The following DDR1 variants were observed in gnomAD, a reference collection of about 807,000 sequenced individuals.
DDR1 encodes the protein epithelial discoidin domain-containing receptor 1.
A neutral mutation model predicts 97.4 loss-of-function variants in DDR1; 64 were observed. That is an observed-to-expected ratio of 0.66 (90% CI 0.54 to 0.81). The LOEUF (loss-of-function observed/expected upper bound fraction) is 0.81, where lower values mean the gene tolerates loss of function less well. Ranked by LOEUF, DDR1 falls within the 30% of genes least tolerant of loss-of-function variation. DDR1 has a pLI of 0.00. For synonymous variants in DDR1, 458 were observed against 503.7 expected, an observed-to-expected ratio of 0.91 and a Z score of 1.21; for missense variants, 990 against 1,259.6, an observed-to-expected ratio of 0.79 and a Z score of 3.24.
chr6:30,883,253 T>C (rs1482427875), upstream of DDR1: 2 of 152,270 alleles, frequency 1.3e-5, no homozygotes, highest in African/African-American at 2.4e-5. The surrounding 1 kb of genome is among the most constrained non-coding windows in gnomAD (Gnocchi z 4.9). Flanking sequence ...TATGTTTTTA[T>C]CTACTGTGAG....
At position 30,884,921 on chromosome 6, in the gene DDR1, C is replaced by T. The variant is rs569381386; in HGVS notation, c.-43+211C>T. The stretch of plus-strand genomic sequence containing the variant: ...GGCGGGGACTGGGTGGAGGTGAAGC[C>T]CGTGACCTCCCAGAAAGAGTTTTGA... On this transcript the variant is annotated intron_variant, in intron 1 of 17. Transcript: ENST00000376568. The surrounding 1 kb of genome is among the most constrained non-coding windows in gnomAD (Gnocchi z 6.1). The T allele has an allele frequency of 1.2e-4, 49 of 422,662 alleles. No individual in the cohort carries two copies. In the South Asian group the frequency reaches 2.3e-3, roughly 20 times the overall value. The allele number at this position is 422,662 out of a possible 1,614,324, so 26.2% of individuals were successfully genotyped here.
In DDR1 at chr6:30,897,305, A is replaced by C; in HGVS notation, c.1998-74A>C. 1.9e-6 allele frequency: 1 copy of C among 526,538 alleles called. No homozygotes were observed. The highest frequency in any genetic ancestry group is 2.7e-6 in the Non-Finnish European group (1 of 374,398). The allele number at this position is 526,538 out of a possible 1,614,324, so 32.6% of individuals were successfully genotyped here. ...ACGCCTGGTCTGCCTGAGGTGGGGCAGGGGGGTGGGGGCGCGGGGGAAGGT... is the reference window on the plus strand; with the variant it reads ...ACGCCTGGTCTGCCTGAGGTGGGGCCGGGGGGTGGGGGCGCGGGGGAAGGT... On this transcript the variant is annotated intron_variant, in intron 14 of 17. Transcript: ENST00000376568. The surrounding 1 kb of genome is among the most constrained non-coding windows in gnomAD (Gnocchi z 5.2).
rs748920890 is a variant in DDR1 at position 30,888,714 on chromosome 6, C to T, written c.-16C>T. 1.3e-5 allele frequency: 21 copies of T among 1,612,540 alleles called. No homozygotes were observed. The highest frequency in any genetic ancestry group is 1.6e-4 in the Middle Eastern group (1 of 6,084). Reference sequence around the variant, plus strand: ...GATGCTGCCCCCACCCCCTTAGGCCCGAGGGATCAGGAGCTATGGGACCAG... The same window carrying T: ...GATGCTGCCCCCACCCCCTTAGGCCTGAGGGATCAGGAGCTATGGGACCAG... On this transcript the variant is annotated 5_prime_UTR_variant, in exon 2 of 18. Coordinates refer to ENST00000376568, the MANE Select transcript of DDR1 (RefSeq NM_001297654.2). The surrounding 1 kb of genome is among the most constrained non-coding windows in gnomAD (Gnocchi z 4.2).
chr6:30,889,765 G>A lies in DDR1; in HGVS notation c.417+335G>A, dbSNP rs6924600. The stretch of plus-strand genomic sequence containing the variant: ...TAGATGTCTAATAGGCATCTCAAAC[G>A]TACGTTTAACTTCCCAAGCTGAATT... On this transcript the variant is annotated intron_variant, in intron 4 of 17. Coordinates refer to ENST00000376568, the MANE Select transcript of DDR1 (RefSeq NM_001297654.2). This position sits in a 1 kb window ranked among gnomAD's most constrained non-coding sequence, Gnocchi z 4.9. Among the ~76,000 whole-genome samples, 39,792 of 151,864 alleles carry A rather than the reference G, an allele frequency of 0.26. 6,169 individuals carry two copies. Among genetic ancestry groups the A allele is most frequent in the East Asian group, 0.61 (3,160 of 5,160 alleles).
At position 30,892,112 on chromosome 6, in the gene DDR1, G is replaced by GCAAC; in HGVS notation, c.779_782dup (p.His261GlnfsTer14). ...CCAGGCTATGACTATGTGGGATGGA[G>GCAAC]CAACCACAGCTTCTCCAGTGGCTAT... On this transcript the variant is annotated frameshift_variant, in exon 7 of 18. Transcript: ENST00000376568. LOFTEE classifies it high-confidence loss of function. 1 of 1,614,202 alleles carries GCAAC rather than the reference G, an allele frequency of 6.2e-7. No individual in the cohort carries two copies. The highest frequency in any genetic ancestry group is 1.1e-5 in the South Asian group (1 of 91,084).
rs1264463799 is a variant in DDR1, at chr6:30,897,721, G to C, written c.2216+124G>C. ...GTGGGAAGGGAGAGAGGTTCCAGGA[G>C]GGCCTGGGATAAGGAATGTGTGACA... On this transcript the variant is annotated intron_variant, in intron 15 of 17. Coordinates refer to ENST00000376568, the MANE Select transcript of DDR1 (RefSeq NM_001297654.2). The surrounding 1 kb of genome is among the most constrained non-coding windows in gnomAD (Gnocchi z 5.2). The C allele has an allele frequency of 1.3e-6, 1 of 778,282 alleles. No homozygotes were observed. The highest frequency in any genetic ancestry group is 2.0e-6 in the Non-Finnish European group (1 of 491,622). The allele number at this position is 778,282 out of a possible 1,614,324, so 48.2% of individuals were successfully genotyped here. A position where few individuals can be genotyped will look rare whatever the true frequency, so the allele number is the denominator to read the frequency against.
chr6:30,899,291 G>T lies in DDR1; in HGVS notation c.2737G>T (p.Val913Leu). ...RFLAEDALNT[V>L] ...CCTGGCAGAGGATGCACTCAACACG[G>T]TGTGAATCACACATCCAGCTGCCCC... Residue 913 changes from valine (V) to leucine (L), a missense_variant, in exon 18 of 18, where the codon GTG becomes TTG. Coordinates refer to ENST00000376568, the MANE Select transcript of DDR1 (RefSeq NM_001297654.2). 6.2e-7 allele frequency: 1 copy of T among 1,607,358 alleles called. No homozygotes were observed. The highest frequency in any genetic ancestry group is 8.5e-7 in the Non-Finnish European group (1 of 1,174,974).
At chr6:30,892,719 G>A in intron 8 of DDR1, 177 bp downstream of exon 8, 1 of 777,112 alleles carries the variant, frequency 1.3e-6, no homozygotes, top group Non-Finnish European at 2.0e-6. Context: ...CTTGTTCTCT[G>A]CGTATCCATC....
In DDR1 at chr6:30,888,363, T is replaced by A. The variant is rs1786673192; in HGVS notation, c.-42-325T>A. On this transcript the variant is annotated intron_variant, in intron 1 of 17. Transcript: ENST00000376568. The surrounding 1 kb of genome is among the most constrained non-coding windows in gnomAD (Gnocchi z 4.2). ...CTAAGCCGTTGTTTATGGGGATATT[T>A]TGCCCATTCCTGATTGGAGAAATGG... The A allele has an allele frequency of 3.3e-6, 1 of 305,994 alleles. No individual in the cohort carries two copies. Among genetic ancestry groups the A allele is most frequent in the African/African-American group, 2.1e-5 (1 of 46,522 alleles). The allele number at this position is 305,994 out of a possible 1,614,324, so 19.0% of individuals were successfully genotyped here. A position where few individuals can be genotyped will look rare whatever the true frequency, so the allele number is the denominator to read the frequency against.
In DDR1 at chr6:30,899,023, G is replaced by A; in HGVS notation, c.2587G>A (p.Asp863Asn). ...VIENAGEFFRDQGRQVYLSRP... is the reference protein window; with the variant it reads ...VIENAGEFFRNQGRQVYLSRP... ...CGAGAACGCGGGGGAGTTCTTCCGGGACCAGGGCCGGCAGGTCAGAGTGGA... is the reference window on the plus strand; with the variant it reads ...CGAGAACGCGGGGGAGTTCTTCCGGAACCAGGGCCGGCAGGTCAGAGTGGA... Residue 863 changes from aspartate to asparagine, a missense_variant, in exon 17 of 18, where the codon GAC (aspartate) becomes AAC (asparagine). Coordinates refer to ENST00000376568, the MANE Select transcript of DDR1 (RefSeq NM_001297654.2). The A allele has an allele frequency of 6.2e-7, 1 of 1,614,152 alleles. No individual in the cohort carries two copies. The highest frequency in any genetic ancestry group is 8.5e-7 in the Non-Finnish European group (1 of 1,180,016).
Position 30,897,481 on chromosome 6 carries a change from T to A in DDR1, c.2100T>A (p.Ile700=), listed in dbSNP as rs772696979. The part of the protein sequence containing the change: ...VCVQDDPLCM[I]TDYMENGDLN... ...TGCAGGACGACCCCCTCTGCATGAT[T>A]ACTGACTACATGGAGAACGGCGACC... The change falls in exon 15 of 18, where the codon ATT becomes ATA. Residue 700 remains isoleucine, a synonymous_variant. Transcript: ENST00000376568. The surrounding 1 kb of genome is among the most constrained non-coding windows in gnomAD (Gnocchi z 5.2). 9.3e-6 allele frequency: 15 copies of A among 1,613,952 alleles called. No individual in the cohort carries two copies. The South Asian group carries it at 1.4e-4, about 15-fold the overall frequency.
intron 12 of DDR1, among the ~76,000 whole-genome samples, chr6:30,895,859 C>T (rs1017411981): frequency 3.9e-5 from 6 of 152,096 alleles, no homozygotes; most frequent in African/African-American, 1.4e-4. Context: ...TCTAGAGCTG[C>T]GAGGAGGAGG....
In DDR1 at chr6:30,897,227, A is replaced by C; in HGVS notation, c.1997+86A>C. 1 of 1,567,420 alleles carries C rather than the reference A, an allele frequency of 6.4e-7. No individual in the cohort carries two copies. Among genetic ancestry groups the C allele is most frequent in the Admixed American group, 1.7e-5 (1 of 57,302 alleles). On this transcript the variant is annotated intron_variant, in intron 14 of 17. Coordinates refer to ENST00000376568, the MANE Select transcript of DDR1 (RefSeq NM_001297654.2). The surrounding 1 kb of genome is among the most constrained non-coding windows in gnomAD (Gnocchi z 5.2). The stretch of plus-strand genomic sequence containing the variant: ...TCTAGAGAGAACAATGGCAGAGCCC[A>C]ACAGAGGGGTGGCATCTCTGGGAGG...
chr6:30,884,513 G>C (rs1015373348), upstream of DDR1: 2 of 151,882 alleles, frequency 1.3e-5, no homozygotes, highest in Non-Finnish European at 2.9e-5. The surrounding 1 kb of genome is among the most constrained non-coding windows in gnomAD (Gnocchi z 6.1). Flanking sequence ...AGCCGCCCCA[G>C]CCCTGGCTCC....
intron 1 of DDR1, chr6:30,885,563 G>C: frequency 7.1e-7 from 1 of 1,408,790 alleles, no homozygotes; most frequent in Non-Finnish European, 9.3e-7. Context: ...GCCCGGGTGT[G>C]TGTGTCTCAT....
At position 30,888,606 on chromosome 6, in the gene DDR1, A is replaced by G. The variant is rs1340501094; in HGVS notation, c.-42-82A>G. 1.4e-6 allele frequency: 2 copies of G among 1,454,472 alleles called. No individual in the cohort carries two copies. Among genetic ancestry groups the G allele is most frequent in the East Asian group, 4.9e-5 (2 of 40,578 alleles). 90.1% of individuals were successfully genotyped at this position (1,454,472 alleles called of 1,614,324 possible). ...TGTTGTTTTACTGTTATTATCCCCA[A>G]AGCGGCCCATTCTGTCTGTTGCTGT... On this transcript the variant is annotated intron_variant, in intron 1 of 17. Coordinates refer to ENST00000376568, the MANE Select transcript of DDR1 (RefSeq NM_001297654.2). This position sits in a 1 kb window ranked among gnomAD's most constrained non-coding sequence, Gnocchi z 4.2.
intron 15 of DDR1, 52 bp from the exon 16 acceptor site, chr6:30,898,021 A>G: frequency 7.7e-6 from 11 of 1,432,856 alleles, no homozygotes; most frequent in Non-Finnish European, 1.1e-5. Flanking sequence ...CCTCTCCTGG[A>G]TGGGAATCTG....
chr6:30,892,222 A>C (rs767609282), intron 7 of DDR1, 34 bp downstream of exon 7: 1 of 1,611,568 alleles, frequency 6.2e-7, no homozygotes, highest in Non-Finnish European at 8.5e-7. Flanking sequence ...AGGGCTCTGA[A>C]GCCATGCAGG....
In DDR1 at chr6:30,897,142, G is replaced by A. The variant is rs759232785; in HGVS notation, c.1997+1G>A. ...GGCCAGATGCCACCAAGAATGCCAG[G>A]TGAGGACCAGGGATGGCATCTGGAA... On this transcript the variant is annotated splice_donor_variant, in intron 14 of 17. Transcript: ENST00000376568. LOFTEE classifies it high-confidence loss of function. The surrounding 1 kb of genome is among the most constrained non-coding windows in gnomAD (Gnocchi z 5.2). The A allele has an allele frequency of 6.2e-7, 1 of 1,613,844 alleles. No individual in the cohort carries two copies. Among genetic ancestry groups the A allele is most frequent in the Non-Finnish European group, 8.5e-7 (1 of 1,179,906 alleles).
Sources: gnomAD v4.1 joint callset for allele counts (sites outside exome capture counted in the v4.1 genomes callset) on GRCh38, gnomAD v4.1.1 for gene constraint, Gnocchi (gnomAD v3.1) non-coding constraint, MANE v1.5 for transcripts, NCBI Gene and HGNC (gene_info 2026-07-23, HGNC 2026-07-21) for gene names.